The following SLC4A10 variants were observed in gnomAD, a reference collection of about 807,000 sequenced individuals.
SLC4A10 encodes the protein solute carrier family 4 member 10.
A neutral mutation model predicts 137.7 loss-of-function variants in SLC4A10; 42 were observed. That is an observed-to-expected ratio of 0.30 (90% CI 0.24 to 0.39). The LOEUF (loss-of-function observed/expected upper bound fraction) is 0.39, where lower values mean the gene tolerates loss of function less well. Ranked by LOEUF, SLC4A10 falls within the 10% of genes least tolerant of loss-of-function variation. SLC4A10 has a pLI of 1.00. For missense variants in SLC4A10, 925 were observed against 1,355.0 expected (o/e 0.68, Z 4.98); for synonymous variants, 474 against 464.1 (o/e 1.02, Z -0.27).
At chr2:161,941,815 A>G (rs1575759420) in intron 15 of SLC4A10, among the ~76,000 whole-genome samples, 1 of 151,984 alleles carries the variant, frequency 6.6e-6, no homozygotes, top group Admixed American at 6.6e-5. Flanking sequence ...GGTGTGGCTG[A>G]CCTACTGTTC....
chr2:161,654,154 T>C (rs2037192638), intron 1 of SLC4A10, among the ~76,000 whole-genome samples: 1 of 152,224 alleles, frequency 6.6e-6, no homozygotes, highest in Non-Finnish European at 1.5e-5. Context: ...TCTTTTCATA[T>C]AACACTGGCC....
intron 1 of SLC4A10, among the ~76,000 whole-genome samples, chr2:161,672,099 G>A (rs895008457): frequency 6.6e-6 from 1 of 152,152 alleles, no homozygotes; most frequent in Admixed American, 6.6e-5. Context: ...ATGGTGGGAT[G>A]TACCAAGAAG....
rs574832481 is a variant in SLC4A10, at chr2:161,668,646, T to C, written c.48+44080T>C. Among the ~76,000 whole-genome samples, 3 of 152,010 alleles carry C rather than the reference T, an allele frequency of 2.0e-5. No homozygotes were observed. The East Asian group carries it at 5.8e-4, about 29-fold the overall frequency. On this transcript the variant is annotated intron_variant, in intron 1 of 26. Transcript: ENST00000446997. Reference sequence around the variant, plus strand: ...AAATATATTTTACTGGTTCAGGGAATCCATAACTTTCATTACATATATTTC... The same window carrying C: ...AAATATATTTTACTGGTTCAGGGAACCCATAACTTTCATTACATATATTTC...
At chr2:161,809,762 C>T (rs900028175) in intron 3 of SLC4A10, among the ~76,000 whole-genome samples, 1 of 152,004 alleles carries the variant, frequency 6.6e-6, no homozygotes, top group African/African-American at 2.4e-5. Flanking sequence ...CAGTACAATG[C>T]TGTTTGGGTT....
intron 5 of SLC4A10, among the ~76,000 whole-genome samples, chr2:161,860,329 G>A (rs2060365020): frequency 1.3e-5 from 2 of 152,038 alleles, no homozygotes; most frequent in South Asian, 4.1e-4. Flanking sequence ...CTTTTTTAGT[G>A]TTCGAGCCTG....
intron 4 of SLC4A10, among the ~76,000 whole-genome samples, chr2:161,843,870 C>T (rs1315803661): frequency 6.6e-6 from 1 of 151,972 alleles, no homozygotes; most frequent in Non-Finnish European, 1.5e-5. Flanking sequence ...TAATTTATGC[C>T]CACTGTCATT....
chr2:161,671,212 C>T (rs997369699), intron 1 of SLC4A10, among the ~76,000 whole-genome samples: 7 of 152,032 alleles, frequency 4.6e-5, no homozygotes, highest in Non-Finnish European at 1.0e-4. Flanking sequence ...AGGTTCTCTC[C>T]CTTCCAACTC....
intron 8 of SLC4A10, among the ~76,000 whole-genome samples, chr2:161,877,029 T>C (rs1019541669): frequency 7.9e-5 from 12 of 152,112 alleles, no homozygotes; most frequent in Non-Finnish European, 1.3e-4. Context: ...ATCAATGATA[T>C]ATTAGGTATT....
intron 1 of SLC4A10, among the ~76,000 whole-genome samples, chr2:161,627,938 T>C (rs2032767299): frequency 6.6e-6 from 1 of 152,082 alleles, no homozygotes; most frequent in African/African-American, 2.4e-5. Flanking sequence ...AGACTAGAAA[T>C]AGGACTCGAT....
At chr2:161,851,542 G>T (rs1391496754) in intron 4 of SLC4A10, among the ~76,000 whole-genome samples, 1 of 151,972 alleles carries the variant, frequency 6.6e-6, no homozygotes. Flanking sequence ...CCCCTTTTTA[G>T]CATTCTTAAA....
intron 3 of SLC4A10, among the ~76,000 whole-genome samples, chr2:161,806,291 C>A (rs2055946438): frequency 6.6e-6 from 1 of 152,132 alleles, no homozygotes; most frequent in African/African-American, 2.4e-5. Context: ...CCATAAAGAC[C>A]TTTGACATGC....
intron 1 of SLC4A10, among the ~76,000 whole-genome samples, chr2:161,654,333 T>C (rs1248485412): frequency 6.6e-6 from 1 of 152,170 alleles, no homozygotes; most frequent in Non-Finnish European, 1.5e-5. Context: ...GTAGGTTGCG[T>C]TTTCACTCTG....
intron 6 of SLC4A10, among the ~76,000 whole-genome samples, chr2:161,870,764 G>T (rs1465755581): frequency 6.6e-6 from 1 of 151,886 alleles, no homozygotes; most frequent in Non-Finnish European, 1.5e-5. Context: ...TATGTAGCTT[G>T]TGTGACATTT....
At position 161,886,564 on chromosome 2, in the gene SLC4A10, A is replaced by G. The variant is rs1423834910; in HGVS notation, c.1194+4120A>G. Among the ~76,000 whole-genome samples, 5 of 152,152 alleles carry G rather than the reference A, an allele frequency of 3.3e-5. No homozygotes were observed. The South Asian group carries it at 1.0e-3, about 32-fold the overall frequency. ...AAAATTATCACTTACTAAGAATGTT[A>G]TTACATGTTCAGTGTGACATTATTG... On this transcript the variant is annotated intron_variant, in intron 10 of 26. Transcript: ENST00000446997.
rs150780748 is a variant in SLC4A10, at chr2:161,624,933, C to T, written c.48+367C>T. On this transcript the variant is annotated intron_variant, in intron 1 of 26. Transcript: ENST00000446997. The stretch of plus-strand genomic sequence containing the variant: ...GTTTAAGCCCTTGCAGAGAAGCCCC[C>T]TTTTATCATGTTTAATCCCTATCGA... Among the ~76,000 whole-genome samples the T allele has an allele frequency of 7.7e-4, 117 of 152,120 alleles. 1 individual carries two copies. The East Asian group carries it at 0.019, about 25-fold the overall frequency.
chr2:161,940,540 C>A (rs1692486516), intron 15 of SLC4A10, among the ~76,000 whole-genome samples: 2 of 152,174 alleles, frequency 1.3e-5, no homozygotes, highest in South Asian at 4.1e-4. Flanking sequence ...TGTCCCCATC[C>A]CTAGCTCTGA....
At chr2:161,782,517 T>A (rs1379346579) in intron 2 of SLC4A10, among the ~76,000 whole-genome samples, 1 of 151,152 alleles carries the variant, frequency 6.6e-6, no homozygotes, top group Non-Finnish European at 1.5e-5. Flanking sequence ...TCTCCAGAAA[T>A]TGACTCTAAT....
chr2:161,757,370 G>C (rs1305169701), intron 1 of SLC4A10, among the ~76,000 whole-genome samples: 2 of 152,134 alleles, frequency 1.3e-5, no homozygotes, highest in African/African-American at 4.8e-5. Context: ...TTAAGCTCCT[G>C]ATTCTTCATC....
chr2:161,699,721 G>A (rs974203152), intron 1 of SLC4A10, among the ~76,000 whole-genome samples: 21 of 152,148 alleles, frequency 1.4e-4, no homozygotes, highest in Non-Finnish European at 2.5e-4. Context: ...GGAACCAAAA[G>A]CATGTAATCA....
Sources: allele counts gnomAD v4.1 joint callset (sites outside exome capture counted in the v4.1 genomes callset), GRCh38; gene constraint gnomAD v4.1.1; transcripts MANE v1.5; gene names NCBI Gene and HGNC (gene_info 2026-07-23, HGNC 2026-07-21).